Variants in CADPS observed in about 807,000 individuals in gnomAD.
CADPS encodes calcium-dependent secretion activator 1.
A neutral mutation model predicts 167.3 loss-of-function variants in CADPS; 57 were observed. The ratio of observed to expected loss-of-function variants is 0.34; its 90% CI spans 0.28 to 0.42. The LOEUF is 0.42. Ranked by LOEUF, CADPS falls within the 20% of genes least tolerant of loss-of-function variation. CADPS has a pLI of 1.00. For missense variants in CADPS, 1,414 were observed against 1,738.1 expected, an observed-to-expected ratio of 0.81 and a Z score of 3.32; for synonymous variants, 676 against 635.3, an observed-to-expected ratio of 1.06 and a Z score of -0.96.
At chr3:62,837,847 T>A (rs1443109763) in intron 1 of CADPS, among the ~76,000 whole-genome samples, 1 of 152,178 alleles carries the variant, frequency 6.6e-6, no homozygotes, top group Non-Finnish European at 1.5e-5. Context: ...AAATTGTAAC[T>A]ATAAGACATA....
At chr3:62,599,687 A>C (rs191893765) in intron 6 of CADPS, among the ~76,000 whole-genome samples, 5,843 of 46,610 alleles carry the variant, frequency 0.13, 530 homozygotes, top group South Asian at 0.21. Flanking sequence ...AATATTATAT[A>C]ATATTATAAT....
intron 3 of CADPS, among the ~76,000 whole-genome samples, chr3:62,690,841 G>T (rs2078975412): frequency 6.6e-6 from 1 of 151,956 alleles, no homozygotes; most frequent in Non-Finnish European, 1.5e-5. Flanking sequence ...TTACCCAAAG[G>T]AGTCAAAGCT....
intron 6 of CADPS, among the ~76,000 whole-genome samples, chr3:62,643,973 G>A (rs915905483): frequency 1.3e-5 from 2 of 152,172 alleles, no homozygotes; most frequent in African/African-American, 4.8e-5. Flanking sequence ...AAAAAAGGGA[G>A]GAAGGGTGAC....
At chr3:62,499,761 C>T (rs1162959278) in intron 17 of CADPS, 1 of 153,568 alleles carries the variant, frequency 6.5e-6, no homozygotes, top group African/African-American at 2.4e-5. Flanking sequence ...ATTCAAATGT[C>T]TGCTTCAAGT....
intron 1 of CADPS, among the ~76,000 whole-genome samples, chr3:62,792,200 C>T (rs1356378598): frequency 6.9e-6 from 1 of 144,272 alleles, no homozygotes; most frequent in Non-Finnish European, 1.5e-5. Context: ...AGGTGTTTAA[C>T]TTTTTTTTTT....
chr3:62,729,920 T>G (rs2152111132), intron 3 of CADPS, among the ~76,000 whole-genome samples: 1 of 151,796 alleles, frequency 6.6e-6, no homozygotes, highest in African/African-American at 2.4e-5. Context: ...GTGAGTCTAG[T>G]TCTGGCCAGT....
rs373284893 is a variant in CADPS at position 62,578,135 on chromosome 3, C to T, written c.1577+7050G>A. On this transcript the variant is annotated intron_variant, in intron 8 of 29. Coordinates refer to ENST00000383710, the MANE Select transcript of CADPS (RefSeq NM_003716.4). ...ATAAGAAATGCACTTTTTAAAGACA[C>T]GAATAGGTTAAAAATAAAAAGATAG... Among the ~76,000 whole-genome samples the T allele has an allele frequency of 1.6e-3, 237 of 144,514 alleles. 5 individuals carry two copies. In the South Asian group the frequency reaches 0.031, roughly 19 times the overall value. The allele number at this position is 144,514 out of a possible 152,430, so 94.8% of individuals were successfully genotyped here. A position where few individuals can be genotyped will look rare whatever the true frequency, so the allele number is the denominator to read the frequency against.
intron 3 of CADPS, among the ~76,000 whole-genome samples, chr3:62,669,786 A>G (rs554915475): frequency 6.6e-6 from 1 of 152,308 alleles, no homozygotes; most frequent in East Asian, 1.9e-4. Context: ...GATGCATATG[A>G]CAATTAGCAA....
intron 1 of CADPS, among the ~76,000 whole-genome samples, chr3:62,804,902 T>C (rs1162982038): frequency 6.6e-6 from 1 of 152,164 alleles, no homozygotes; most frequent in African/African-American, 2.4e-5. Flanking sequence ...ATCTCAAATT[T>C]ACTGAGAGTG....
At chr3:62,823,344 G>A (rs1463324875) in intron 1 of CADPS, among the ~76,000 whole-genome samples, 1 of 152,158 alleles carries the variant, frequency 6.6e-6, no homozygotes, top group Admixed American at 6.5e-5. Flanking sequence ...ATACAGTGCT[G>A]CAATTTCTGA....
intron 19 of CADPS, 103 bp from the exon 20 acceptor site, chr3:62,492,549 T>C: frequency 9.1e-7 from 1 of 1,099,536 alleles, no homozygotes; most frequent in South Asian, 1.5e-5. Context: ...TAATGGTGCA[T>C]CCAGCAGGGT....
chr3:62,715,386 CTATCTATCTATCTGTATTATA>C, intron 3 of CADPS, among the ~76,000 whole-genome samples: 1 of 139,940 alleles, frequency 7.1e-6, no homozygotes, highest in African/African-American at 2.6e-5. Flanking sequence ...ATCTATCTAT[CTATCTATCTATCTGTATTATA>C]TATAAATATA....
At chr3:62,660,491 T>C (rs530638191) in intron 4 of CADPS, among the ~76,000 whole-genome samples, 20 of 152,352 alleles carry the variant, frequency 1.3e-4, no homozygotes, top group African/African-American at 4.6e-4. Context: ...CTGACTTGAT[T>C]ATAAACTTTA....
At chr3:62,871,058 G>A (rs1475909500) in intron 1 of CADPS, among the ~76,000 whole-genome samples, 2 of 152,078 alleles carry the variant, frequency 1.3e-5, no homozygotes, top group Admixed American at 6.6e-5. Flanking sequence ...TCAATTCACA[G>A]TAATGTAACA....
At chr3:62,713,121 T>C (rs2083727941) in intron 3 of CADPS, among the ~76,000 whole-genome samples, 2 of 152,246 alleles carry the variant, frequency 1.3e-5, no homozygotes, top group Non-Finnish European at 2.9e-5. Flanking sequence ...TTTTACCAAA[T>C]GCCAGATATT....
chr3:62,856,146 C>G (rs1438728799), intron 1 of CADPS, among the ~76,000 whole-genome samples: 1 of 152,018 alleles, frequency 6.6e-6, no homozygotes, highest in Non-Finnish European at 1.5e-5. Context: ...GACAGAAGTG[C>G]TCAGGTGTAT....
At chr3:62,842,236 T>A (rs2076747212) in intron 1 of CADPS, among the ~76,000 whole-genome samples, 1 of 152,182 alleles carries the variant, frequency 6.6e-6, no homozygotes, top group Admixed American at 6.5e-5. Flanking sequence ...TCATCTAATT[T>A]TCAGAAGAAC....
At position 62,438,096 on chromosome 3, in the gene CADPS, T is replaced by G; in HGVS notation, c.3777+8A>C. The G allele has an allele frequency of 6.3e-7, 1 of 1,588,944 alleles. No homozygotes were observed. The highest frequency in any genetic ancestry group is 1.3e-5 in the African/African-American group (1 of 74,532). On this transcript the variant is annotated splice_region_variant and intron_variant, in intron 28 of 29. Transcript: ENST00000383710. The surrounding 1 kb of genome is among the most constrained non-coding windows in gnomAD (Gnocchi z 4.7). ...TTGGTTTTCAAGGAGGAGAAGGCAT[T>G]TACTTACATCAAATAACCTTTCTAT...
intron 6 of CADPS, among the ~76,000 whole-genome samples, chr3:62,612,193 G>T (rs1171002106): frequency 1.3e-5 from 2 of 152,180 alleles, no homozygotes; most frequent in East Asian, 1.9e-4. Context: ...ATAACTATGA[G>T]AAGCTACTTA....
Sources: allele counts gnomAD v4.1 joint callset (sites outside exome capture counted in the v4.1 genomes callset), GRCh38; gene constraint gnomAD v4.1.1; non-coding constraint Gnocchi (gnomAD v3.1); transcripts MANE v1.5; gene names NCBI Gene and HGNC (gene_info 2026-07-23, HGNC 2026-07-21).